PDZRN3: variants seen among roughly 807,000 people sequenced by gnomAD.
PDZRN3 encodes the protein PDZ domain containing ring finger 3, also known as E3 ubiquitin-protein ligase PDZRN3.
A neutral mutation model predicts 85.7 loss-of-function variants in PDZRN3; 38 were observed. The observed-to-expected ratio is 0.44, with a 90% CI of 0.34 to 0.58. PDZRN3 has a LOEUF of 0.58. Among genes scored for constraint, PDZRN3 ranks in the 20% least tolerant of loss-of-function variants. The pLI is 0.01. For synonymous variants in PDZRN3, 759 were observed against 638.0 expected (o/e 1.19, Z -2.86); for missense variants, 1,629 against 1,506.4 (o/e 1.08, Z -1.35).
chr3:73,402,052 G>T (rs557315141), intron 4 of PDZRN3: 1 of 152,346 alleles, frequency 6.6e-6, no homozygotes, highest in East Asian at 1.9e-4. Flanking sequence ...GAAGGTCTGG[G>T]CTTTCAAGCA....
In PDZRN3 at chr3:73,385,797, A is replaced by G; in HGVS notation, c.1519-12T>C. 6.9e-7 allele frequency: 1 copy of G among 1,446,774 alleles called. No individual in the cohort carries two copies. Among genetic ancestry groups the G allele is most frequent in the Non-Finnish European group, 9.7e-7 (1 of 1,027,304 alleles). 89.6% of individuals were successfully genotyped at this position (1,446,774 alleles called of 1,614,324 possible). ...CAGCCCTCATCCAGCTGCAGGCAAG[A>G]GCAGCCAACACATGCCTTAGAAGTT... On this transcript the variant is annotated splice_polypyrimidine_tract_variant and intron_variant, in intron 8 of 9. Coordinates refer to ENST00000263666, the MANE Select transcript of PDZRN3 (RefSeq NM_015009.3).
intron 3 of PDZRN3, among the ~76,000 whole-genome samples, chr3:73,443,476 T>TTCC (rs1428946237): frequency 5.0e-4 from 19 of 37,848 alleles, no homozygotes; most frequent in Middle Eastern, 0.011. Context: ...TATTTTCCTT[T>TTCC]TTCTTTTTTT....
intron 3 of PDZRN3, among the ~76,000 whole-genome samples, chr3:73,581,797 C>T (rs996986935): frequency 1.5e-5 from 2 of 132,546 alleles, no homozygotes; most frequent in Admixed American, 7.8e-5. Flanking sequence ...TGTGTAAAGA[C>T]AATGATTAAA....
chr3:73,493,368 C>G (rs1327596661), intron 3 of PDZRN3, among the ~76,000 whole-genome samples: 11 of 152,150 alleles, frequency 7.2e-5, no homozygotes, highest in Non-Finnish European at 4.4e-5. Context: ...ATACACATGA[C>G]CTCACGTACA....
chr3:73,547,305 TTGA>T (rs956725923), intron 3 of PDZRN3, among the ~76,000 whole-genome samples: 3 of 152,228 alleles, frequency 2.0e-5, no homozygotes, highest in African/African-American at 7.2e-5. Context: ...TAAGCCTTTC[TTGA>T]TGAAGAAAAA....
At chr3:73,495,482 G>C (rs1703849636) in intron 3 of PDZRN3, among the ~76,000 whole-genome samples, 1 of 152,226 alleles carries the variant, frequency 6.6e-6, no homozygotes, top group East Asian at 1.9e-4. Flanking sequence ...GTATTATTTT[G>C]TAACTTTTTT....
At chr3:73,600,337 A>ACACACACACACACTCTCTCTCT (rs34405662) in intron 3 of PDZRN3, among the ~76,000 whole-genome samples, 26 of 100,070 alleles carry the variant, frequency 2.6e-4, no homozygotes, top group African/African-American at 7.7e-4. Context: ...ACACACACAC[A>ACACACACACACACTCTCTCTCT]CTCTCTCTCT....
chr3:73,509,231 T>C (rs1175651926), intron 3 of PDZRN3, among the ~76,000 whole-genome samples: 1 of 152,238 alleles, frequency 6.6e-6, no homozygotes, highest in Non-Finnish European at 1.5e-5. Context: ...GAAGTGACTT[T>C]GCCCTCATAA....
In PDZRN3 at chr3:73,426,960, C is replaced by T. The variant is rs116608149; in HGVS notation, c.919-22565G>A. On this transcript the variant is annotated intron_variant, in intron 3 of 9. Coordinates refer to ENST00000263666, the MANE Select transcript of PDZRN3 (RefSeq NM_015009.3). ...CTCAAATCAAGACCAGCATGCAGCA[C>T]AACTGAACATTAGTGCCAATAATAT... 6.3e-3 allele frequency among the ~76,000 whole-genome samples: 957 copies of T among 152,264 alleles called. 16 individuals carry two copies. The highest frequency in any genetic ancestry group is 0.02 in the South Asian group (96 of 4,824).
At chr3:73,460,940 C>T (rs1398988689) in intron 3 of PDZRN3, among the ~76,000 whole-genome samples, 6 of 152,054 alleles carry the variant, frequency 3.9e-5, no homozygotes, top group Non-Finnish European at 8.8e-5. Context: ...ACTACAGGTG[C>T]ATACCACCAT....
At chr3:73,515,149 C>T (rs1559717490) in intron 3 of PDZRN3, among the ~76,000 whole-genome samples, 3 of 151,036 alleles carry the variant, frequency 2.0e-5, no homozygotes, top group South Asian at 2.1e-4. Context: ...GGGTGAGAGC[C>T]TCCTTTTCCA....
intron 3 of PDZRN3, among the ~76,000 whole-genome samples, chr3:73,522,139 C>T (rs1704382602): frequency 6.6e-6 from 1 of 152,206 alleles, no homozygotes; most frequent in African/African-American, 2.4e-5. Context: ...CGCTTTCATG[C>T]CACGTCAGTA....
At chr3:73,464,794 T>C (rs1461943148) in intron 3 of PDZRN3, among the ~76,000 whole-genome samples, 1 of 152,226 alleles carries the variant, frequency 6.6e-6, no homozygotes, top group Non-Finnish European at 1.5e-5. Context: ...TGTTTTGAAG[T>C]ACATATACAT....
At chr3:73,516,511 T>C (rs1034221582) in intron 3 of PDZRN3, among the ~76,000 whole-genome samples, 1 of 152,242 alleles carries the variant, frequency 6.6e-6, no homozygotes, top group African/African-American at 2.4e-5. Context: ...GGGTAGTGTG[T>C]CTTTTTCCTT....
intron 3 of PDZRN3, among the ~76,000 whole-genome samples, chr3:73,574,483 G>T (rs1009744258): frequency 3.3e-4 from 49 of 150,530 alleles, no homozygotes; most frequent in African/African-American, 1.2e-3. Flanking sequence ...GGCGGAAATG[G>T]AGTCTCACTC....
intron 3 of PDZRN3, among the ~76,000 whole-genome samples, chr3:73,405,215 G>A (rs1202017587): frequency 6.6e-6 from 1 of 152,150 alleles, no homozygotes; most frequent in Non-Finnish European, 1.5e-5. Context: ...CGTTGGACGC[G>A]GTGTCCAGGA....
At chr3:73,422,670 C>T (rs572801628) in intron 3 of PDZRN3, among the ~76,000 whole-genome samples, 2 of 152,224 alleles carry the variant, frequency 1.3e-5, no homozygotes, top group East Asian at 3.9e-4. Flanking sequence ...GATGCATGGA[C>T]CCTTTTGGTC....
At chr3:73,571,402 C>T (rs77884392) in intron 3 of PDZRN3, among the ~76,000 whole-genome samples, 6,985 of 152,262 alleles carry the variant, frequency 0.046, 247 homozygotes, top group Non-Finnish European at 0.071. Flanking sequence ...CTTTTTATGT[C>T]AATGTCCTTT....
In PDZRN3 at chr3:73,384,601, C is replaced by G; in HGVS notation, c.1965G>C (p.Gln655His). ...RFRELLELKCQVKSATPYGLY... is the reference protein window; with the variant it reads ...RFRELLELKCHVKSATPYGLY... ...GGCCGTAAGGGGTGGCGCTCTTCAC[C>G]TGGCACTTGAGCTCCAGGAGCTCGC... is the stretch of plus-strand genomic sequence containing the variant. The change falls in exon 10 of 10, where the codon CAG (glutamine) becomes CAC (histidine). Residue 655 changes from glutamine to histidine, a missense_variant. Physicochemically the swap from Gln to His is conservative, Grantham distance 24 (BLOSUM62 0). Transcript: ENST00000263666. The G allele has an allele frequency of 2.5e-6, 4 of 1,613,858 alleles. No individual in the cohort carries two copies. Among genetic ancestry groups the G allele is most frequent in the Non-Finnish European group, 3.4e-6 (4 of 1,180,042 alleles).
Sources: allele counts gnomAD v4.1 joint callset (sites outside exome capture counted in the v4.1 genomes callset), GRCh38; gene constraint gnomAD v4.1.1; transcripts MANE v1.5; gene names NCBI Gene and HGNC (gene_info 2026-07-23, HGNC 2026-07-21).